The following MTRR variants were observed in gnomAD, a reference collection of about 807,000 sequenced individuals.
MTRR encodes methionine synthase reductase.
MTRR carries 63 observed loss-of-function variants against 79.2 expected under a neutral mutation model. The observed-to-expected ratio is 0.80, with a 90% CI of 0.65 to 0.98. MTRR has a LOEUF of 0.98. MTRR is among the 50% of genes least tolerant of loss of function. The pLI is 0.00. For synonymous variants in MTRR, 355 were observed against 313.3 expected (o/e 1.13, Z -1.41); for missense variants, 895 against 839.6 (o/e 1.07, Z -0.82).
At chr5:7,867,204 T>G, upstream of MTRR, 2 of 1,614,174 alleles carry the variant, frequency 1.2e-6, no homozygotes, top group Non-Finnish European at 1.7e-6. Flanking sequence ...CTAATCAATT[T>G]AGGACTCAGG....
At chr5:7,879,571 G>C (rs996174402) in intron 5 of MTRR, among the ~76,000 whole-genome samples, 1 of 151,532 alleles carries the variant, frequency 6.6e-6, no homozygotes, top group African/African-American at 2.4e-5. Flanking sequence ...CAAATCTGAA[G>C]TACTTAAGAG....
chr5:7,885,834 A>T lies in MTRR; in HGVS notation c.1037A>T (p.Lys346Met). ...GAGCACTGCGTCCTTTTGAAAATAA[A>T]GGCAGACACAAAGAAGAAAGGTAAC... ...KREHCVLLKIKADTKKKGATL... is the reference protein window; with the variant it reads ...KREHCVLLKIMADTKKKGATL... Residue 346 changes from lysine (K) to methionine (M), a missense_variant, in exon 7 of 15, where the codon AAG (lysine) becomes ATG (methionine). Transcript: ENST00000440940. 1 of 1,614,172 alleles carries T rather than the reference A, an allele frequency of 6.2e-7. No individual in the cohort carries two copies. Among genetic ancestry groups the T allele is most frequent in the African/African-American group, 1.3e-5 (1 of 75,042 alleles).
chr5:7,869,818 T>C (rs1747590796), intron 1 of MTRR: 2 of 159,198 alleles, frequency 1.3e-5, no homozygotes, highest in African/African-American at 2.4e-5. Context: ...AAATTTTAGC[T>C]GTAGTAAGGT....
intron 8 of MTRR, among the ~76,000 whole-genome samples, chr5:7,887,060 C>G (rs1270743435): frequency 1.3e-5 from 2 of 152,160 alleles, no homozygotes; most frequent in African/African-American, 4.8e-5. Context: ...CCCAGCTACA[C>G]ATTGCTGCTC....
At chr5:7,878,824 C>G (rs1294063422) in intron 5 of MTRR, among the ~76,000 whole-genome samples, 1 of 152,198 alleles carries the variant, frequency 6.6e-6, no homozygotes, top group East Asian at 1.9e-4. Flanking sequence ...GTTTTTCTAA[C>G]CTGCTTAAAA....
At chr5:7,869,047 A>G (rs748432156), upstream of MTRR, 1 of 1,512,246 alleles carries the variant, frequency 6.6e-7, no homozygotes, top group Non-Finnish European at 9.2e-7. Context: ...TCCGTAGCAA[A>G]CGCGGGGCGG....
rs1739373024 is a variant in MTRR, at chr5:7,900,903, A to G, written c.*845A>G. 6.6e-6 allele frequency: 1 copy of G among 152,176 alleles called. No homozygotes were observed. Among genetic ancestry groups the G allele is most frequent in the East Asian group, 1.9e-4 (1 of 5,192 alleles). 9.4% of individuals were successfully genotyped at this position (152,176 alleles called of 1,614,324 possible). A position where few individuals can be genotyped will look rare whatever the true frequency, so the allele number is the denominator to read the frequency against. Reference sequence around the variant, plus strand: ...ACCACTCAAGCAGTGTGCTGGACCTAAAATACTGACTTTAGTTAGTATCCT... The same window carrying G: ...ACCACTCAAGCAGTGTGCTGGACCTGAAATACTGACTTTAGTTAGTATCCT... On this transcript the variant is annotated 3_prime_UTR_variant, in exon 15 of 15. Coordinates refer to ENST00000440940, the MANE Select transcript of MTRR (RefSeq NM_002454.3).
intron 4 of MTRR, 27 bp downstream of exon 4, chr5:7,875,402 C>T: frequency 6.6e-7 from 1 of 1,506,046 alleles, no homozygotes; most frequent in Non-Finnish European, 9.2e-7. Flanking sequence ...CTGTTTACTC[C>T]AATAAGCCCT....
intron 5 of MTRR, among the ~76,000 whole-genome samples, chr5:7,882,303 T>G (rs1735717830): frequency 6.6e-6 from 1 of 152,194 alleles, no homozygotes. Context: ...AAAGGAGGTG[T>G]GGGCAGGGGT....
Position 7,878,341 on chromosome 5 carries a change from A to G in MTRR, c.780+19A>G, listed in dbSNP as rs2126696167. ...TGGCCAGGTAAGGAAGTTTTTCTTT[A>G]TGCTATAGATGCTATTTAATCATGG... On this transcript the variant is annotated intron_variant, in intron 5 of 14. Coordinates refer to ENST00000440940, the MANE Select transcript of MTRR (RefSeq NM_002454.3). 1 of 1,611,702 alleles carries G rather than the reference A, an allele frequency of 6.2e-7. No homozygotes were observed. Among genetic ancestry groups the G allele is most frequent in the South Asian group, 1.1e-5 (1 of 91,010 alleles).
intron 2 of MTRR, among the ~76,000 whole-genome samples, chr5:7,871,531 C>T (rs887073058): frequency 6.6e-6 from 1 of 152,112 alleles, no homozygotes; most frequent in South Asian, 2.1e-4. Flanking sequence ...ACAATTCAGG[C>T]GATAACAGTT....
intron 1 of MTRR, 31 bp from the exon 2 acceptor site, chr5:7,870,737 TAA>T (rs1345710187): frequency 6.2e-7 from 1 of 1,610,598 alleles, no homozygotes; most frequent in Non-Finnish European, 8.5e-7. Flanking sequence ...ACTGCTTCAT[TAA>T]AAAGAGGATC....
intron 2 of MTRR, among the ~76,000 whole-genome samples, chr5:7,862,477 G>C (rs546969106): frequency 6.6e-6 from 1 of 152,154 alleles, no homozygotes; most frequent in African/African-American, 2.4e-5. Flanking sequence ...GGTTATAGTA[G>C]TAGCTAACAA....
intron 11 of MTRR, among the ~76,000 whole-genome samples, chr5:7,894,575 G>T (rs1242929832): frequency 6.6e-6 from 1 of 152,210 alleles, no homozygotes; most frequent in African/African-American, 2.4e-5. Flanking sequence ...CCAGGAATAT[G>T]CTCTGGCATG....
upstream of MTRR, chr5:7,866,562 C>T (rs2126611956): frequency 4.0e-6 from 4 of 1,000,936 alleles, no homozygotes; most frequent in Non-Finnish European, 6.0e-6. Flanking sequence ...CTAAAGGCAA[C>T]ATATTGCCTT....
chr5:7,898,878 A>G (rs327593), intron 14 of MTRR, among the ~76,000 whole-genome samples: 3,664 of 152,276 alleles, frequency 0.024, 75 homozygotes, highest in African/African-American at 0.048. Context: ...ACGAGGATAT[A>G]TTAGTTTTTC....
At chr5:7,892,314 C>T (rs901671004) in intron 10 of MTRR, among the ~76,000 whole-genome samples, 4 of 152,132 alleles carry the variant, frequency 2.6e-5, no homozygotes, top group African/African-American at 9.7e-5. Flanking sequence ...TTAGTTTTCT[C>T]CTTTCTGGGT....
chr5:7,865,165 T>C (rs1746852693), upstream of MTRR, among the ~76,000 whole-genome samples: 2 of 152,192 alleles, frequency 1.3e-5, no homozygotes, highest in African/African-American at 4.8e-5. Flanking sequence ...CTGTATACAT[T>C]TGGGCGTAGA....
chr5:7,861,859 A>C lies in MTRR; in HGVS notation n.392-92A>C. 3.6e-6 allele frequency: 4 copies of C among 1,108,934 alleles called. No homozygotes were observed. In the South Asian group the frequency reaches 9.6e-5, roughly 27 times the overall value. 68.7% of individuals were successfully genotyped at this position (1,108,934 alleles called of 1,614,324 possible). On this transcript the variant is annotated intron_variant and non_coding_transcript_variant, in intron 1 of 3. Coordinates refer to the MTRR transcript ENST00000502509. ...TCAATCAAGTCAGCCTTAAATTAAG[A>C]AAGCTCAATAACGCTAAACCACAGA...
Sources: allele counts gnomAD v4.1 joint callset (sites outside exome capture counted in the v4.1 genomes callset), GRCh38; gene constraint gnomAD v4.1.1; transcripts MANE v1.5; gene names NCBI Gene and HGNC (gene_info 2026-07-23, HGNC 2026-07-21).